The following CD226 variants were observed in gnomAD, a reference collection of about 807,000 sequenced individuals.
CD226 encodes the protein CD226 molecule.
In CD226, 24 loss-of-function variants were observed where a neutral mutation model predicts 34.9. The ratio of observed to expected loss-of-function variants is 0.69; its 90% confidence interval spans 0.50 to 0.97. CD226 has a LOEUF of 0.97. Ranked by LOEUF, CD226 falls within the 50% of genes least tolerant of loss-of-function variation. CD226 has a pLI of 0.00. For synonymous variants in CD226, 148 were observed against 147.4 expected, an observed-to-expected ratio of 1.00 and a Z score of -0.03; for missense variants, 397 against 412.7, an observed-to-expected ratio of 0.96 and a Z score of 0.33.
intron 2 of CD226, among the ~76,000 whole-genome samples, chr18:69,913,393 C>T (rs2055349628): frequency 6.6e-6 from 1 of 152,134 alleles, no homozygotes; most frequent in Admixed American, 6.5e-5. Flanking sequence ...ATTATTTAAG[C>T]TTTTTATTTC....
chr18:69,889,487 T>TAA (rs11452379), intron 3 of CD226, among the ~76,000 whole-genome samples: 70 of 147,458 alleles, frequency 4.7e-4, no homozygotes, highest in East Asian at 7.9e-4. Context: ...ATGGAATCCT[T>TAA]AAAAAAAAAA....
chr18:69,885,812 G>A (rs1029101112), intron 3 of CD226, among the ~76,000 whole-genome samples: 3 of 151,988 alleles, frequency 2.0e-5, no homozygotes, highest in African/African-American at 7.3e-5. Flanking sequence ...ACTCCATGAT[G>A]TGCACAAGCC....
chr18:69,900,246 T>C (rs951261579), intron 2 of CD226, among the ~76,000 whole-genome samples: 4 of 151,900 alleles, frequency 2.6e-5, no homozygotes, highest in Non-Finnish European at 5.9e-5. Flanking sequence ...GTTAGGAACA[T>C]AAAGAAGGAA....
intron 3 of CD226, among the ~76,000 whole-genome samples, chr18:69,891,503 A>C (rs1984901617): frequency 6.6e-6 from 1 of 152,224 alleles, no homozygotes; most frequent in Non-Finnish European, 1.5e-5. Flanking sequence ...AACAAGAAAA[A>C]GAAAACAAAA....
intron 1 of CD226, chr18:69,956,649 A>G (rs1189915186): frequency 7.2e-6 from 1 of 138,352 alleles, no homozygotes; most frequent in Non-Finnish European, 1.6e-5. Flanking sequence ...GTCCTGCTGC[A>G]TCAACTTGCC....
chr18:69,880,289 G>A (rs1984144647), intron 3 of CD226, among the ~76,000 whole-genome samples: 1 of 141,016 alleles, frequency 7.1e-6, no homozygotes, highest in African/African-American at 2.8e-5. Context: ...GGGAAGGGAA[G>A]GGAAAGGAAG....
chr18:69,870,855 T>C (rs1211772435), intron 4 of CD226, among the ~76,000 whole-genome samples: 4 of 152,172 alleles, frequency 2.6e-5, no homozygotes. Context: ...AGAAGGTCAT[T>C]GTTGGAGCCC....
intron 3 of CD226, among the ~76,000 whole-genome samples, chr18:69,889,282 A>C (rs1312518925): frequency 1.3e-5 from 2 of 152,154 alleles, no homozygotes; most frequent in Non-Finnish European, 2.9e-5. Flanking sequence ...GTGTTGCTCC[A>C]TCATATAAAT....
chr18:69,918,495 T>C (rs938139855), intron 2 of CD226, among the ~76,000 whole-genome samples: 1 of 152,092 alleles, frequency 6.6e-6, no homozygotes, highest in Non-Finnish European at 1.5e-5. Context: ...CAGGTGGAGG[T>C]TGCGGTGAGC....
chr18:69,899,753 G>A (rs892609963), intron 2 of CD226, among the ~76,000 whole-genome samples: 2 of 152,168 alleles, frequency 1.3e-5, no homozygotes, highest in Non-Finnish European at 2.9e-5. Flanking sequence ...AGTCAGAATG[G>A]CTATTACTAA....
At position 69,855,980 on chromosome 18, in the gene CD226, C is replaced by T. The variant is rs1329600944; in HGVS notation, c.*8334G>A. On this transcript the variant is annotated 3_prime_UTR_variant, in exon 6 of 6. Transcript: ENST00000582621. ...ATCACATGTACCCCCCAAATATATA[C>T]AACTCCTATATATCTACAACATTTT... is the stretch of plus-strand genomic sequence containing the variant. The T allele has an allele frequency of 1.3e-5, 2 of 152,068 alleles. No homozygotes were observed. Among genetic ancestry groups the T allele is most frequent in the East Asian group, 3.8e-4 (2 of 5,202 alleles). The allele number at this position is 152,068 out of a possible 1,614,324, so 9.4% of individuals were successfully genotyped here.
chr18:69,941,587 T>C lies in CD226; in HGVS notation c.382+5147A>G, dbSNP rs376703653. On this transcript the variant is annotated intron_variant, in intron 2 of 5. Transcript: ENST00000582621. ...CATGGAGCTAGTAGCCCCTTTGTTT[T>C]GGCCAATTTCTCTCATTTAGAATTG... 5.3e-4 allele frequency among the ~76,000 whole-genome samples: 80 copies of C among 152,342 alleles called. No homozygotes were observed. In the South Asian group the frequency reaches 0.016, roughly 31 times the overall value.
At chr18:69,929,175 T>C (rs751047748) in intron 2 of CD226, among the ~76,000 whole-genome samples, 3 of 152,224 alleles carry the variant, frequency 2.0e-5, no homozygotes, top group Non-Finnish European at 4.4e-5. Flanking sequence ...AGCAGAAAAC[T>C]TATGGCAGTA....
At chr18:69,894,054 G>A (rs1281647753) in intron 3 of CD226, among the ~76,000 whole-genome samples, 2 of 151,590 alleles carry the variant, frequency 1.3e-5, no homozygotes, top group Non-Finnish European at 2.9e-5. Flanking sequence ...GAAAGCATGT[G>A]GAAGGGAGAA....
At chr18:69,945,419 A>G (rs2055777142) in intron 2 of CD226, among the ~76,000 whole-genome samples, 1 of 152,232 alleles carries the variant, frequency 6.6e-6, no homozygotes, top group African/African-American at 2.4e-5. Flanking sequence ...CAGTTCATGT[A>G]GTCATCACTA....
At chr18:69,901,097 C>A (rs1415608687) in intron 2 of CD226, among the ~76,000 whole-genome samples, 1 of 151,922 alleles carries the variant, frequency 6.6e-6, no homozygotes, top group Admixed American at 6.6e-5. Flanking sequence ...AGCAGAGAAA[C>A]GTATCAAATG....
At chr18:69,936,865 G>A (rs766440039) in intron 2 of CD226, among the ~76,000 whole-genome samples, 2 of 152,148 alleles carry the variant, frequency 1.3e-5, no homozygotes, top group Non-Finnish European at 2.9e-5. Flanking sequence ...AGGAATTGGT[G>A]ACCCTTATAA....
At chr18:69,882,255 T>A (rs1264361179) in intron 3 of CD226, among the ~76,000 whole-genome samples, 1 of 152,228 alleles carries the variant, frequency 6.6e-6, no homozygotes, top group Non-Finnish European at 1.5e-5. Context: ...GTATATCAGG[T>A]GGGAAACTTT....
chr18:69,923,795 A>C (rs2055485165), intron 2 of CD226, among the ~76,000 whole-genome samples: 1 of 152,082 alleles, frequency 6.6e-6, no homozygotes, highest in African/African-American at 2.4e-5. Flanking sequence ...TCTACTAAAA[A>C]TACAAAAAAT....
Sources: gnomAD v4.1 joint callset for allele counts (sites outside exome capture counted in the v4.1 genomes callset) on GRCh38, gnomAD v4.1.1 for gene constraint, MANE v1.5 for transcripts, NCBI Gene and HGNC (gene_info 2026-07-23, HGNC 2026-07-21) for gene names.